ZNF385D: variants seen among roughly 807,000 people sequenced by gnomAD.
ZNF385D encodes zinc finger protein 385D.
In ZNF385D, 15 loss-of-function variants were observed where a neutral mutation model predicts 35.8. The observed-to-expected ratio is 0.42, with a 90% CI of 0.28 to 0.64. The LOEUF (loss-of-function observed/expected upper bound fraction) is 0.64, where lower values mean the gene tolerates loss of function less well. ZNF385D is among the 30% of genes least tolerant of loss of function. The pLI, the probability that ZNF385D is intolerant of heterozygous loss-of-function variation, is 0.23. For missense variants in ZNF385D, 474 were observed against 494.6 expected, an observed-to-expected ratio of 0.96 and a Z score of 0.39; for synonymous variants, 212 against 186.8, an observed-to-expected ratio of 1.13 and a Z score of -1.10.
intron 3 of ZNF385D, among the ~76,000 whole-genome samples, chr3:21,852,378 C>T (rs7625557): frequency 0.038 from 5,813 of 151,852 alleles, 389 homozygotes; most frequent in African/African-American, 0.13. Flanking sequence ...AACACTAATC[C>T]TAGGTCTTAG....
intron 3 of ZNF385D, among the ~76,000 whole-genome samples, chr3:22,003,793 G>A (rs553853985): frequency 9.2e-5 from 14 of 151,870 alleles, no homozygotes; most frequent in African/African-American, 3.1e-4. Flanking sequence ...CTTGAACCTA[G>A]GGGGCAGAGG....
At chr3:22,111,152 A>ATTTTTTT (rs61708178) in intron 3 of ZNF385D, among the ~76,000 whole-genome samples, 97 of 68,932 alleles carry the variant, frequency 1.4e-3, no homozygotes, top group Middle Eastern at 0.01. Flanking sequence ...TCCATGTTGG[A>ATTTTTTT]TTTTTTTTTT....
At chr3:22,260,515 AAAAAG>A (rs1304956489) in intron 2 of ZNF385D, among the ~76,000 whole-genome samples, 3 of 152,068 alleles carry the variant, frequency 2.0e-5, no homozygotes, top group South Asian at 2.1e-4. Flanking sequence ...AAAATTAAAA[AAAAAG>A]AAAACTACAT....
intron 3 of ZNF385D, among the ~76,000 whole-genome samples, chr3:21,993,913 C>A (rs774566481): frequency 7.2e-5 from 11 of 152,210 alleles, no homozygotes; most frequent in South Asian, 2.1e-4. Flanking sequence ...AATGCCAAAC[C>A]AAGCATTCAT....
chr3:21,966,739 G>A (rs776656734), intron 3 of ZNF385D, among the ~76,000 whole-genome samples: 8 of 152,008 alleles, frequency 5.3e-5, no homozygotes, highest in Non-Finnish European at 7.4e-5. Context: ...GCACCACCAC[G>A]CCCAGCTAAT....
chr3:21,517,699 A>G (rs1364716444), intron 3 of ZNF385D, among the ~76,000 whole-genome samples: 1 of 152,206 alleles, frequency 6.6e-6, no homozygotes, highest in Non-Finnish European at 1.5e-5. Flanking sequence ...GTTAAGTCAC[A>G]TGCACAGGTG....
In ZNF385D at chr3:22,295,080, A is replaced by G. The variant is rs143516078; in HGVS notation, c.106+77370T>C. Reference sequence around the variant, plus strand: ...TAATGTCTATTATTATTGGTGGGAAAATTCCAGTTTTCCTCTGAATGAAAA... The same window carrying G: ...TAATGTCTATTATTATTGGTGGGAAGATTCCAGTTTTCCTCTGAATGAAAA... On this transcript the variant is annotated intron_variant, in intron 2 of 5. Transcript: ENST00000494108. Among the ~76,000 whole-genome samples the G allele has an allele frequency of 4.9e-3, 742 of 152,242 alleles. 12 individuals are homozygous for G. Among genetic ancestry groups the G allele is most frequent in the African/African-American group, 0.016 (670 of 41,568 alleles).
At chr3:22,235,582 G>A (rs1235840451) in intron 2 of ZNF385D, among the ~76,000 whole-genome samples, 1 of 152,022 alleles carries the variant, frequency 6.6e-6, no homozygotes, top group Admixed American at 6.6e-5. Context: ...AAGAGGCCTT[G>A]TAAAATATGA....
intron 3 of ZNF385D, among the ~76,000 whole-genome samples, chr3:22,096,389 T>C (rs1374131661): frequency 6.6e-6 from 1 of 152,038 alleles, no homozygotes; most frequent in Non-Finnish European, 1.5e-5. Flanking sequence ...TGGCTTATTG[T>C]TTAAATAGGG....
chr3:21,630,062 A>G (rs574907251), intron 2 of ZNF385D, among the ~76,000 whole-genome samples: 73 of 152,246 alleles, frequency 4.8e-4, no homozygotes, highest in African/African-American at 1.7e-3. Flanking sequence ...TTTTATTATT[A>G]TCATAACCAT....
intron 3 of ZNF385D, among the ~76,000 whole-genome samples, chr3:21,806,994 AT>A (rs2072681603): frequency 6.6e-6 from 1 of 152,174 alleles, no homozygotes; most frequent in Non-Finnish European, 1.5e-5. Flanking sequence ...CTTCCCTCTT[AT>A]TTTTCTGATT....
At chr3:21,857,404 A>G (rs1225483550) in intron 3 of ZNF385D, among the ~76,000 whole-genome samples, 4 of 152,148 alleles carry the variant, frequency 2.6e-5, no homozygotes, top group East Asian at 3.9e-4. Context: ...CAGGGGAAAC[A>G]TAACTCTATT....
In ZNF385D at chr3:21,808,868, G is replaced by A. The variant is rs558049132; in HGVS notation, c.326-143840C>T. ...TGCTTAAGTCTCAGATTGACCTCTG[G>A]GTAGCACCAAAGTAGGACAGATTAA... On this transcript the variant is annotated intron_variant, in intron 3 of 5. Coordinates refer to the ZNF385D transcript ENST00000494108. Among the ~76,000 whole-genome samples, 498 of 152,214 alleles carry A rather than the reference G, an allele frequency of 3.3e-3. 6 individuals are homozygous for A. Among genetic ancestry groups the A allele is most frequent in the Non-Finnish European group, 2.9e-3 (197 of 68,024 alleles).
At chr3:21,927,155 A>G (rs1259667655) in intron 3 of ZNF385D, among the ~76,000 whole-genome samples, 2 of 152,056 alleles carry the variant, frequency 1.3e-5, no homozygotes, top group African/African-American at 2.4e-5. Context: ...CTTGCCCTGT[A>G]ATGCCTGTTT....
At chr3:22,109,563 G>A (rs1702401784) in intron 3 of ZNF385D, among the ~76,000 whole-genome samples, 1 of 152,172 alleles carries the variant, frequency 6.6e-6, no homozygotes, top group South Asian at 2.1e-4. Context: ...GTTTTTCTCA[G>A]ATGAAGAAGT....
chr3:21,774,333 T>TA (rs35888659), intron 3 of ZNF385D, among the ~76,000 whole-genome samples: 58,002 of 151,534 alleles, frequency 0.38, 11,491 homozygotes, highest in Middle Eastern at 0.55. Context: ...CTGGGATTAA[T>TA]CCTAGGTGAT....
intron 3 of ZNF385D, among the ~76,000 whole-genome samples, chr3:21,759,461 A>C (rs1033238810): frequency 1.3e-5 from 2 of 152,170 alleles, no homozygotes; most frequent in African/African-American, 2.4e-5. Context: ...AAAAGGCTTA[A>C]ATTTTATTTG....
At chr3:21,988,732 G>T (rs575214533) in intron 3 of ZNF385D, among the ~76,000 whole-genome samples, 295 of 151,836 alleles carry the variant, frequency 1.9e-3, no homozygotes, top group Non-Finnish European at 3.5e-3. Context: ...GTTTACCTAA[G>T]CAAGCCTGGG....
chr3:21,504,955 G>A (rs747101963), intron 4 of ZNF385D, among the ~76,000 whole-genome samples: 2 of 152,124 alleles, frequency 1.3e-5, no homozygotes, highest in Non-Finnish European at 2.9e-5. Flanking sequence ...CTGCATAGAG[G>A]CTAGGGCAAA....
Sources: allele counts gnomAD v4.1 joint callset (sites outside exome capture counted in the v4.1 genomes callset), GRCh38; gene constraint gnomAD v4.1.1; transcripts MANE v1.5; gene names NCBI Gene and HGNC (gene_info 2026-07-23, HGNC 2026-07-21).